The following B4GALT1 variants were observed in gnomAD, a reference collection of about 807,000 sequenced individuals.
B4GALT1 encodes N-acetyllactosamine synthase.
Under a neutral mutation model 34.9 loss-of-function variants are expected in B4GALT1, and 16 were observed. The observed-to-expected ratio is 0.46, with a 90% CI of 0.31 to 0.70. B4GALT1 has a LOEUF of 0.70. Among genes scored for constraint, B4GALT1 ranks in the 30% least tolerant of loss-of-function variants. B4GALT1 has a pLI of 0.05. For synonymous variants in B4GALT1, 221 were observed against 218.1 expected, an observed-to-expected ratio of 1.01 and a Z score of -0.12; for missense variants, 445 against 530.5, an observed-to-expected ratio of 0.84 and a Z score of 1.58.
the B4GALT1 span, among the ~76,000 whole-genome samples, chr9:33,173,591 G>GGGGTGTGTGTGT: frequency 2.1e-5 from 3 of 143,062 alleles, no homozygotes; most frequent in African/African-American, 7.8e-5. Flanking sequence ...AAATAAGAAT[G>GGGGTGTGTGTGT]GTGTGTGTGT....
chr9:33,160,714 C>T (rs147083672), intron 1 of B4GALT1, among the ~76,000 whole-genome samples: 27 of 151,922 alleles, frequency 1.8e-4, no homozygotes, highest in East Asian at 1.2e-3. Context: ...TGCAGTGAGC[C>T]GTGATCACTG....
intron 1 of B4GALT1, among the ~76,000 whole-genome samples, chr9:33,152,550 A>G (rs1230894842): frequency 6.6e-6 from 1 of 151,026 alleles, no homozygotes; most frequent in East Asian, 1.9e-4. Flanking sequence ...TGGGCCAAAA[A>G]AAGGGTAAAA....
At chr9:33,115,653 C>T (rs1839928209) in intron 4 of B4GALT1, among the ~76,000 whole-genome samples, 1 of 152,162 alleles carries the variant, frequency 6.6e-6, no homozygotes, top group African/African-American at 2.4e-5. Context: ...ACTTGTTTCA[C>T]AGTGAAAGGG....
the B4GALT1 span, among the ~76,000 whole-genome samples, chr9:33,177,131 A>G: frequency 6.6e-6 from 1 of 152,146 alleles, no homozygotes; most frequent in Non-Finnish European, 1.5e-5. Flanking sequence ...ACTTTTTCAC[A>G]GGCAGCCAAA....
chr9:33,128,811 G>A (rs547675086), intron 2 of B4GALT1, among the ~76,000 whole-genome samples: 1 of 152,308 alleles, frequency 6.6e-6, no homozygotes, highest in South Asian at 2.1e-4. Context: ...TCACTAATGG[G>A]ATAGACCCAG....
chr9:33,139,405 C>G (rs1840316620), intron 1 of B4GALT1, among the ~76,000 whole-genome samples: 1 of 152,240 alleles, frequency 6.6e-6, no homozygotes, highest in South Asian at 2.1e-4. Context: ...CAACCCCCAT[C>G]ATGCTTCCAA....
intron 1 of B4GALT1, among the ~76,000 whole-genome samples, 183 bp downstream of exon 1, chr9:33,166,575 A>AC (rs952298388): frequency 7.9e-5 from 12 of 152,118 alleles, no homozygotes; most frequent in African/African-American, 2.9e-4. Flanking sequence ...CTCCCCAGGG[A>AC]CCCACCTCGC....
intron 1 of B4GALT1, among the ~76,000 whole-genome samples, chr9:33,140,965 T>C (rs1417681930): frequency 6.6e-6 from 1 of 152,222 alleles, no homozygotes; most frequent in African/African-American, 2.4e-5. Flanking sequence ...TCTCTAAGTC[T>C]GCAAGGGCTT....
chr9:33,127,719 T>C (rs1241144021), intron 2 of B4GALT1, among the ~76,000 whole-genome samples: 2 of 152,220 alleles, frequency 1.3e-5, no homozygotes, highest in South Asian at 2.1e-4. Context: ...TGGAAAGTGA[T>C]GATGATGAAG....
intron 3 of B4GALT1, among the ~76,000 whole-genome samples, chr9:33,116,853 T>C (rs1369035358): frequency 7.3e-6 from 1 of 137,648 alleles, no homozygotes; most frequent in East Asian, 2.5e-4. Context: ...GTGGGTGGGG[T>C]GGGAGGGAGC....
chr9:33,146,948 G>A (rs564873080), intron 1 of B4GALT1, among the ~76,000 whole-genome samples: 28 of 152,124 alleles, frequency 1.8e-4, no homozygotes, highest in African/African-American at 6.0e-4. Flanking sequence ...TGATCCACCC[G>A]CCTCAGCCTC....
intron 1 of B4GALT1, among the ~76,000 whole-genome samples, chr9:33,135,905 G>GTA (rs1554686827): frequency 0.012 from 1,008 of 85,952 alleles, 5 homozygotes; most frequent in Non-Finnish European, 0.019. Flanking sequence ...GTGTGTGTGT[G>GTA]TGTGTATGTG....
At chr9:33,166,306 T>C (rs981653612) in intron 1 of B4GALT1, among the ~76,000 whole-genome samples, 2 of 152,158 alleles carry the variant, frequency 1.3e-5, no homozygotes, top group East Asian at 1.9e-4. Context: ...AGTGGCTCTA[T>C]GGCAAGACAC....
At chr9:33,140,284 C>T (rs975954911) in intron 1 of B4GALT1, among the ~76,000 whole-genome samples, 2 of 152,162 alleles carry the variant, frequency 1.3e-5, no homozygotes, top group African/African-American at 4.8e-5. Flanking sequence ...TGGCCTGATG[C>T]TTTATTGTGA....
intron 1 of B4GALT1, among the ~76,000 whole-genome samples, chr9:33,156,197 G>C (rs548623699): frequency 1.3e-5 from 2 of 151,880 alleles, no homozygotes; most frequent in South Asian, 4.2e-4. Context: ...GCAGTGGCCT[G>C]ATGTGGGCTC....
At chr9:33,122,076 T>G (rs114370768) in intron 2 of B4GALT1, among the ~76,000 whole-genome samples, 133 of 152,330 alleles carry the variant, frequency 8.7e-4, no homozygotes, top group African/African-American at 3.0e-3. Flanking sequence ...CCCAATACTT[T>G]GGAATCCTCA....
At chr9:33,114,247 T>C (rs1485896429) in intron 4 of B4GALT1, among the ~76,000 whole-genome samples, 1 of 152,218 alleles carries the variant, frequency 6.6e-6, no homozygotes, top group Non-Finnish European at 1.5e-5. Flanking sequence ...TTGTAACCTC[T>C]GCTGGAGCAA....
At chr9:33,152,356 TAACATAACATAAC>T (rs1840531029) in intron 1 of B4GALT1, among the ~76,000 whole-genome samples, 1 of 122,464 alleles carries the variant, frequency 8.2e-6, no homozygotes, top group African/African-American at 3.3e-5. Context: ...TAACATAACA[TAACATAACATAAC>T]AACTTCTACA....
At chr9:33,174,682 G>A in the B4GALT1 span, among the ~76,000 whole-genome samples, 2 of 150,904 alleles carry the variant, frequency 1.3e-5, no homozygotes, top group African/African-American at 2.4e-5. Flanking sequence ...GGGGCCAGAA[G>A]CAGTGGCTCA....
Sources: allele counts gnomAD v4.1 joint callset (sites outside exome capture counted in the v4.1 genomes callset), GRCh38; gene constraint gnomAD v4.1.1; transcripts MANE v1.5; gene names NCBI Gene and HGNC (gene_info 2026-07-23, HGNC 2026-07-21).